SPMIP2: variants seen among roughly 807,000 people sequenced by gnomAD.
The protein encoded by SPMIP2 is protein SPMIP2.
At chr4:159,002,085 C>CT in the SPMIP2 span, among the ~76,000 whole-genome samples, 1,311 of 151,394 alleles carry the variant, frequency 8.7e-3, 49 homozygotes, top group South Asian at 0.076. Flanking sequence ...TGATATTGAG[C>CT]TTTTTTTTTC....
At chr4:158,901,693 A>C in the SPMIP2 span, among the ~76,000 whole-genome samples, 573 of 150,490 alleles carry the variant, frequency 3.8e-3, 5 homozygotes, top group African/African-American at 0.013. Context: ...GTTTGTTTTC[A>C]TTTTTTCTGT....
chr4:159,035,446 TG>T, the SPMIP2 span, among the ~76,000 whole-genome samples: 21 of 152,336 alleles, frequency 1.4e-4, no homozygotes, highest in South Asian at 4.4e-3. Context: ...CAGTCACCAC[TG>T]TCTTTCAACA....
the SPMIP2 span, among the ~76,000 whole-genome samples, chr4:158,917,458 C>T: frequency 6.6e-6 from 1 of 151,902 alleles, no homozygotes; most frequent in African/African-American, 2.4e-5. Flanking sequence ...CCTTCTGGCC[C>T]ACTCTCCTCA....
chr4:158,965,331 A>T, the SPMIP2 span, among the ~76,000 whole-genome samples: 2 of 151,828 alleles, frequency 1.3e-5, no homozygotes, highest in South Asian at 4.2e-4. Flanking sequence ...AGCCATTCTG[A>T]TTCAGTCCTT....
chr4:158,951,241 C>G, the SPMIP2 span, among the ~76,000 whole-genome samples: 1 of 152,172 alleles, frequency 6.6e-6, no homozygotes. Context: ...TCCTGAGAAA[C>G]GTGCCAGTAG....
chr4:159,037,827 C>CACACACACACATAT, the SPMIP2 span, among the ~76,000 whole-genome samples: 2 of 125,920 alleles, frequency 1.6e-5, no homozygotes, highest in African/African-American at 5.8e-5. Context: ...CACACACACA[C>CACACACACACATAT]ATATATATAT....
chr4:159,074,897 A>AG, the SPMIP2 span, among the ~76,000 whole-genome samples: 1 of 152,270 alleles, frequency 6.6e-6, no homozygotes. Flanking sequence ...CAAGGATGCA[A>AG]GGGGGATGTG....
At chr4:158,964,189 A>AAACAAAACAAAACAAAACAC in the SPMIP2 span, among the ~76,000 whole-genome samples, 2 of 140,608 alleles carry the variant, frequency 1.4e-5, no homozygotes, top group African/African-American at 5.3e-5. Context: ...AAACAAAACA[A>AAACAAAACAAAACAAAACAC]AAAACATGTG....
the SPMIP2 span, among the ~76,000 whole-genome samples, chr4:159,042,938 C>T: frequency 6.6e-6 from 1 of 152,282 alleles, no homozygotes; most frequent in Admixed American, 6.5e-5. Context: ...GCTGGGATTA[C>T]AGGCTGTCAT....
chr4:158,975,857 G>GGGAT, the SPMIP2 span, among the ~76,000 whole-genome samples: 1 of 152,108 alleles, frequency 6.6e-6, no homozygotes, highest in Non-Finnish European at 1.5e-5. Flanking sequence ...TAGCTTGATG[G>GGGAT]GGATAGTATT....
At chr4:158,939,198 GT>G in the SPMIP2 span, among the ~76,000 whole-genome samples, 2 of 152,198 alleles carry the variant, frequency 1.3e-5, no homozygotes, top group Non-Finnish European at 2.9e-5. Context: ...ACTCAGTTTA[GT>G]TTTGGATAAG....
chr4:158,953,226 G>A, the SPMIP2 span, among the ~76,000 whole-genome samples: 1 of 152,172 alleles, frequency 6.6e-6, no homozygotes, highest in Non-Finnish European at 1.5e-5. Context: ...TTAATGGGCT[G>A]GGCCCAGGGT....
At chr4:158,961,626 T>C in the SPMIP2 span, among the ~76,000 whole-genome samples, 4 of 152,160 alleles carry the variant, frequency 2.6e-5, no homozygotes, top group African/African-American at 4.8e-5. Flanking sequence ...TTGCAGGACT[T>C]GGATGATCTT....
At chr4:159,052,791 G>A in the SPMIP2 span, among the ~76,000 whole-genome samples, 9 of 150,078 alleles carry the variant, frequency 6.0e-5, no homozygotes, top group African/African-American at 1.7e-4. Flanking sequence ...CTGCCACCAC[G>A]CCTGGCTAAT....
the SPMIP2 span, among the ~76,000 whole-genome samples, chr4:159,039,738 T>C: frequency 6.6e-6 from 1 of 152,256 alleles, no homozygotes; most frequent in Non-Finnish European, 1.5e-5. Context: ...TAGTTGCTCT[T>C]CTGATGAAAC....
the SPMIP2 span, among the ~76,000 whole-genome samples, chr4:159,081,418 T>C: frequency 1.3e-5 from 2 of 151,784 alleles, no homozygotes; most frequent in Admixed American, 1.3e-4. Flanking sequence ...AGGCTGGTCA[T>C]GGTGGCTCAT....
At chr4:158,904,562 T>A in the SPMIP2 span, 10 of 1,604,588 alleles carry the variant, frequency 6.2e-6, no homozygotes, top group Admixed American at 1.7e-5. Context: ...CTCAGGACAG[T>A]TCTTCCTTGG....
the SPMIP2 span, among the ~76,000 whole-genome samples, chr4:158,991,217 G>A: frequency 1.2e-4 from 16 of 135,084 alleles, no homozygotes; most frequent in South Asian, 2.5e-4. Context: ...GAGTGTAGAC[G>A]TGTATGGGCA....
the SPMIP2 span, among the ~76,000 whole-genome samples, chr4:158,919,307 G>T: frequency 6.6e-6 from 1 of 152,174 alleles, no homozygotes; most frequent in Non-Finnish European, 1.5e-5. Context: ...TTTTGCAAAA[G>T]AATCCAGTTC....
Sources: allele counts gnomAD v4.1 joint callset (sites outside exome capture counted in the v4.1 genomes callset), GRCh38; gene constraint gnomAD v4.1.1; transcripts MANE v1.5; gene names NCBI Gene and HGNC (gene_info 2026-07-23, HGNC 2026-07-21).